The following GNG12 variants were observed in gnomAD, a reference collection of about 807,000 sequenced individuals.
GNG12 encodes the protein guanine nucleotide-binding protein G(I)/G(S)/G(O) subunit gamma-12.
For missense variants in GNG12, 69 were observed against 83.8 expected, an observed-to-expected ratio of 0.82 and a Z score of 0.69; for synonymous variants, 28 against 29.7, an observed-to-expected ratio of 0.94 and a Z score of 0.19.
intron 1 of GNG12, among the ~76,000 whole-genome samples, chr1:67,805,121 A>G (rs1374043082): frequency 6.6e-6 from 1 of 152,190 alleles, no homozygotes; most frequent in Non-Finnish European, 1.5e-5. Flanking sequence ...GGAAGAAAAA[A>G]TACTGGGCAG....
At chr1:67,812,869 T>A (rs926939978) in intron 1 of GNG12, among the ~76,000 whole-genome samples, 1 of 152,210 alleles carries the variant, frequency 6.6e-6, no homozygotes, top group African/African-American at 2.4e-5. Context: ...TTGCAGAACG[T>A]TTTGCACAGA....
chr1:67,720,552 T>C (rs1646351188), intron 2 of GNG12, among the ~76,000 whole-genome samples: 1 of 152,216 alleles, frequency 6.6e-6, no homozygotes, highest in African/African-American at 2.4e-5. Context: ...AATTCAGCAA[T>C]TATTTAATAT....
chr1:67,819,434 TA>T (rs1055447697), intron 1 of GNG12, among the ~76,000 whole-genome samples: 1 of 152,194 alleles, frequency 6.6e-6, no homozygotes, highest in African/African-American at 2.4e-5. Flanking sequence ...TCACTATTTT[TA>T]CCCTAGTTCT....
intron 1 of GNG12, among the ~76,000 whole-genome samples, chr1:67,819,598 A>G (rs921234133): frequency 6.6e-6 from 1 of 152,212 alleles, no homozygotes; most frequent in African/African-American, 2.4e-5. Flanking sequence ...TTATTTCTGA[A>G]CAAAAAGCAG....
intron 2 of GNG12, among the ~76,000 whole-genome samples, chr1:67,735,786 G>T (rs1385358079): frequency 6.6e-6 from 1 of 152,120 alleles, no homozygotes; most frequent in Non-Finnish European, 1.5e-5. Context: ...ATTCTTCCAT[G>T]AAAGAAAATC....
At chr1:67,719,135 CA>C (rs1230118940) in intron 2 of GNG12, among the ~76,000 whole-genome samples, 1 of 152,124 alleles carries the variant, frequency 6.6e-6, no homozygotes, top group Non-Finnish European at 1.5e-5. Flanking sequence ...GTCATAGTAT[CA>C]GGGGAGTGTT....
At chr1:67,799,568 T>G (rs1285125103) in intron 1 of GNG12, among the ~76,000 whole-genome samples, 1 of 152,240 alleles carries the variant, frequency 6.6e-6, no homozygotes, top group South Asian at 2.1e-4. Context: ...TACCAGCAAC[T>G]AGAACTGTTT....
chr1:67,758,743 G>A (rs1298816956), intron 2 of GNG12, among the ~76,000 whole-genome samples: 1 of 152,172 alleles, frequency 6.6e-6, no homozygotes, highest in Non-Finnish European at 1.5e-5. Context: ...CTGTGGAAGC[G>A]TGTCTTAAAA....
intron 2 of GNG12, among the ~76,000 whole-genome samples, chr1:67,748,099 T>A (rs999964216): frequency 2.6e-5 from 4 of 152,156 alleles, no homozygotes; most frequent in African/African-American, 7.2e-5. Flanking sequence ...AGACTGTTAG[T>A]CTGCATGAGG....
chr1:67,724,693 T>C (rs1234194519), intron 2 of GNG12, among the ~76,000 whole-genome samples: 1 of 152,140 alleles, frequency 6.6e-6, no homozygotes, highest in African/African-American at 2.4e-5. Flanking sequence ...CCTGGCCCAA[T>C]TCTATTCATA....
chr1:67,767,042 A>C (rs1646644517), intron 2 of GNG12, among the ~76,000 whole-genome samples: 1 of 152,210 alleles, frequency 6.6e-6, no homozygotes, highest in Non-Finnish European at 1.5e-5. Context: ...TGTGGGTTCT[A>C]AGCCTTATAC....
At chr1:67,725,044 T>C (rs1646378436) in intron 2 of GNG12, among the ~76,000 whole-genome samples, 1 of 152,194 alleles carries the variant, frequency 6.6e-6, no homozygotes, top group Non-Finnish European at 1.5e-5. Context: ...GTATGTCCAA[T>C]GTCCACAGCA....
At chr1:67,822,223 G>A (rs1646988671) in intron 1 of GNG12, among the ~76,000 whole-genome samples, 1 of 150,168 alleles carries the variant, frequency 6.7e-6, no homozygotes, top group South Asian at 2.3e-4. Flanking sequence ...TAGTATTAGT[G>A]TATTTTATGT....
intron 2 of GNG12, among the ~76,000 whole-genome samples, chr1:67,775,942 G>GAAT (rs1646702639): frequency 6.6e-6 from 1 of 152,198 alleles, no homozygotes; most frequent in Non-Finnish European, 1.5e-5. Context: ...AGAATAAAGG[G>GAAT]AATAGCAGGA....
At position 67,702,600 on chromosome 1, in the gene GNG12, T is replaced by A. The variant is rs1646222182; in HGVS notation, c.*2851A>T. On this transcript the variant is annotated 3_prime_UTR_variant, in exon 4 of 4. Transcript: ENST00000370982. ...GTAAATGATTTTAAAAACCTGACAT[T>A]TTTTAGAAGAAAAAAAAAAACTAGC... The A allele has an allele frequency of 6.6e-6, 1 of 150,634 alleles. No homozygotes were observed. Among genetic ancestry groups the A allele is most frequent in the South Asian group, 2.1e-4 (1 of 4,818 alleles). 9.3% of individuals were successfully genotyped at this position (150,634 alleles called of 1,614,324 possible).
intron 1 of GNG12, among the ~76,000 whole-genome samples, chr1:67,785,652 A>C (rs1313196456): frequency 6.6e-6 from 1 of 152,184 alleles, no homozygotes; most frequent in African/African-American, 2.4e-5. Context: ...GTTTTTTAAA[A>C]AATGTAATTA....
At chr1:67,763,118 A>AGAGAGAGAGAGAGAGAAT (rs1279246951) in intron 2 of GNG12, among the ~76,000 whole-genome samples, 3 of 151,696 alleles carry the variant, frequency 2.0e-5, no homozygotes, top group African/African-American at 7.3e-5. Context: ...AGAGAGAGAG[A>AGAGAGAGAGAGAGAGAAT]GAATCAATAT....
At chr1:67,776,145 T>C (rs1039024615) in intron 2 of GNG12, among the ~76,000 whole-genome samples, 12 of 152,058 alleles carry the variant, frequency 7.9e-5, no homozygotes, top group Admixed American at 2.0e-4. Flanking sequence ...AACCTGGTAT[T>C]TGCAAGACTG....
intron 2 of GNG12, among the ~76,000 whole-genome samples, chr1:67,746,970 C>T (rs577414473): frequency 6.6e-6 from 1 of 151,622 alleles, no homozygotes; most frequent in South Asian, 2.1e-4. Flanking sequence ...GGAGGCCATG[C>T]TATAATTCAC....
Sources: gnomAD v4.1 joint callset for allele counts (sites outside exome capture counted in the v4.1 genomes callset) on GRCh38, gnomAD v4.1.1 for gene constraint, MANE v1.5 for transcripts, NCBI Gene and HGNC (gene_info 2026-07-23, HGNC 2026-07-21) for gene names.